The following DPP6 variants were observed in gnomAD, a reference collection of about 807,000 sequenced individuals.
DPP6 encodes dipeptidyl peptidase like 6.
DPP6 carries 69 observed loss-of-function variants against 122.6 expected under a neutral mutation model. The observed-to-expected ratio is 0.56, with a 90% CI of 0.46 to 0.69. The LOEUF (loss-of-function observed/expected upper bound fraction) is 0.69. Ranked by LOEUF, DPP6 falls within the 30% of genes least tolerant of loss-of-function variation. DPP6 has a pLI of 0.00. For synonymous variants in DPP6, 418 were observed against 433.1 expected (o/e 0.97, Z 0.43); for missense variants, 928 against 1,116.9 (o/e 0.83, Z 2.41).
At chr7:154,543,993 CAAAAAAA>C (rs35853479) in intron 4 of DPP6, among the ~76,000 whole-genome samples, 13 of 68,884 alleles carry the variant, frequency 1.9e-4, no homozygotes, top group Admixed American at 3.7e-4. Context: ...GACTCCATCT[CAAAAAAA>C]AAAAAAAAAA....
At position 154,062,210 on chromosome 7, in the gene DPP6, C is replaced by G. The variant is rs377432310; in HGVS notation, c.243+9147C>G. ...TCCTTAGGACCCACCTGGAGGACTG[C>G]GGGTGTTAGGTGTCCAAGTAGAAAG... On this transcript the variant is annotated intron_variant, in intron 1 of 25. Coordinates refer to ENST00000377770, the MANE Select transcript of DPP6 (RefSeq NM_130797.4). 2.0e-5 allele frequency among the ~76,000 whole-genome samples: 2 copies of G among 98,372 alleles called. 1 individual carries two copies. Among genetic ancestry groups the G allele is most frequent in the Admixed American group, 2.0e-4 (2 of 9,840 alleles). The allele number at this position is 98,372 out of a possible 152,430, so 64.5% of individuals were successfully genotyped here.
chr7:154,420,093 T>C (rs1425567669), intron 1 of DPP6, among the ~76,000 whole-genome samples: 1 of 152,040 alleles, frequency 6.6e-6, no homozygotes, highest in Non-Finnish European at 1.5e-5. Flanking sequence ...TCCCAACACT[T>C]TGGGAGGCTG....
intron 21 of DPP6, chr7:154,884,680 C>G (rs950835982): frequency 6.6e-6 from 1 of 150,952 alleles, no homozygotes; most frequent in African/African-American, 2.4e-5. Context: ...CATGCTCACA[C>G]ACAAGCACAC....
chr7:154,630,131 A>C (rs191063587), intron 5 of DPP6, among the ~76,000 whole-genome samples: 207 of 152,356 alleles, frequency 1.4e-3, no homozygotes, highest in African/African-American at 4.8e-3. Flanking sequence ...TAACAGGCTC[A>C]GATGACCTCT....
chr7:154,058,520 C>T (rs1228953107), intron 1 of DPP6: 4 of 135,980 alleles, frequency 2.9e-5, no homozygotes, highest in Admixed American at 2.2e-4. Flanking sequence ...TGAGAGCCAA[C>T]CCCTGGTTCC....
At chr7:153,940,500 A>C (rs374392730) in intron 1 of DPP6, among the ~76,000 whole-genome samples, 4 of 152,208 alleles carry the variant, frequency 2.6e-5, no homozygotes, top group South Asian at 4.1e-4. Flanking sequence ...GTGGGCCCTA[A>C]TTTTATAGCT....
At chr7:154,800,696 C>T (rs1345592584) in intron 12 of DPP6, among the ~76,000 whole-genome samples, 1 of 152,206 alleles carries the variant, frequency 6.6e-6, no homozygotes, top group Non-Finnish European at 1.5e-5. Flanking sequence ...CAAGTGTTGT[C>T]ATCCAGTGTG....
chr7:154,748,714 T>G (rs1587011299), intron 8 of DPP6, among the ~76,000 whole-genome samples: 1 of 151,992 alleles, frequency 6.6e-6, no homozygotes, highest in African/African-American at 2.4e-5. Flanking sequence ...CAGTGGAGGG[T>G]GTGAGCAGGG....
upstream of DPP6, among the ~76,000 whole-genome samples, chr7:153,883,522 G>C (rs1563203816): frequency 6.6e-6 from 1 of 152,118 alleles, no homozygotes; most frequent in Non-Finnish European, 1.5e-5. Context: ...TTGGATTACA[G>C]GTGTCCACCA....
At chr7:153,902,245 A>G (rs547211947) in intron 1 of DPP6, among the ~76,000 whole-genome samples, 1 of 152,312 alleles carries the variant, frequency 6.6e-6, no homozygotes, top group South Asian at 2.1e-4. Flanking sequence ...AAGTAAGAGG[A>G]TTTGACAGCA....
intron 12 of DPP6, among the ~76,000 whole-genome samples, chr7:154,800,377 G>A (rs901975720): frequency 3.9e-5 from 6 of 152,144 alleles, no homozygotes; most frequent in African/African-American, 7.2e-5. Context: ...TCTCATCCCC[G>A]CATTCGTGTG....
chr7:154,413,176 G>C (rs1004488231), intron 1 of DPP6, among the ~76,000 whole-genome samples: 1 of 152,146 alleles, frequency 6.6e-6, no homozygotes, highest in Non-Finnish European at 1.5e-5. Context: ...GCCCACCCCA[G>C]TCATCCAATT....
rs113364259 is a variant in DPP6, at chr7:154,777,358, G to A, written c.1136+4416G>A. On this transcript the variant is annotated intron_variant, in intron 10 of 25. Coordinates refer to ENST00000377770, the MANE Select transcript of DPP6 (RefSeq NM_130797.4). ...AAAATTGGAGGCCCTCTTGGGAAAC[G>A]GTTCTATTAAAGAGAACTAAGAGCG... is the stretch of plus-strand genomic sequence containing the variant. Among the ~76,000 whole-genome samples the A allele has an allele frequency of 8.0e-3, 1,215 of 152,258 alleles. 9 individuals are homozygous for A. The highest frequency in any genetic ancestry group is 0.028 in the African/African-American group (1,150 of 41,550).
intron 1 of DPP6, among the ~76,000 whole-genome samples, chr7:153,896,422 C>A (rs1799416966): frequency 6.6e-6 from 1 of 152,048 alleles, no homozygotes; most frequent in Non-Finnish European, 1.5e-5. Context: ...GCCTAAAGGC[C>A]AAATTTTTTT....
chr7:153,956,981 T>C (rs1031482509), intron 1 of DPP6, among the ~76,000 whole-genome samples: 11 of 152,156 alleles, frequency 7.2e-5, no homozygotes, highest in African/African-American at 2.7e-4. Flanking sequence ...GATATGTTCT[T>C]AGTTGTAAAT....
the DPP6 span, among the ~76,000 whole-genome samples, chr7:153,751,337 A>T: frequency 6.6e-6 from 1 of 152,026 alleles, no homozygotes; most frequent in East Asian, 1.9e-4. Context: ...TCTTGTGCAG[A>T]TATTTCTTGA....
At chr7:154,214,768 A>AT (rs1268256932) in intron 1 of DPP6, among the ~76,000 whole-genome samples, 1 of 152,134 alleles carries the variant, frequency 6.6e-6, no homozygotes, top group Non-Finnish European at 1.5e-5. Context: ...GTAGAAAGAA[A>AT]TTAGCCAGGT....
intron 1 of DPP6, among the ~76,000 whole-genome samples, chr7:153,904,071 A>G (rs1799747070): frequency 6.6e-6 from 1 of 152,102 alleles, no homozygotes; most frequent in African/African-American, 2.4e-5. Flanking sequence ...GTCATTTTTG[A>G]GATGGACTCT....
chr7:154,237,816 A>T (rs1202387877), intron 1 of DPP6, among the ~76,000 whole-genome samples: 6 of 152,184 alleles, frequency 3.9e-5, no homozygotes, highest in Admixed American at 3.9e-4. Flanking sequence ...CCCTCAGTAC[A>T]TCTTGAAATA....
Sources: allele counts gnomAD v4.1 joint callset (sites outside exome capture counted in the v4.1 genomes callset), GRCh38; gene constraint gnomAD v4.1.1; transcripts MANE v1.5; gene names NCBI Gene and HGNC (gene_info 2026-07-23, HGNC 2026-07-21).